The following PRPF3 variants were observed in gnomAD, a reference collection of about 807,000 sequenced individuals.
PRPF3 encodes pre-mRNA processing factor 3.
PRPF3 carries 3 observed loss-of-function variants against 89.2 expected under a neutral mutation model. That is an observed-to-expected ratio of 0.03 (90% CI 0.02 to 0.09). PRPF3 has a LOEUF of 0.09. PRPF3 is among the 10% of genes least tolerant of loss of function. The pLI is 1.00. For synonymous variants in PRPF3, 270 were observed against 289.1 expected (o/e 0.93, Z 0.67); for missense variants, 463 against 828.8 (o/e 0.56, Z 5.42).
chr1:150,333,210 A>G lies in PRPF3; in HGVS notation c.728+11A>G, dbSNP rs782809046. 2 of 1,611,614 alleles carry G rather than the reference A, an allele frequency of 1.2e-6. No homozygotes were observed. Among genetic ancestry groups the G allele is most frequent in the South Asian group, 1.1e-5 (1 of 91,024 alleles). On this transcript the variant is annotated intron_variant, in intron 6 of 15. Coordinates refer to ENST00000324862, the MANE Select transcript of PRPF3 (RefSeq NM_004698.4). ...GGGCATTGCTCCCCCGTGAGTGTCT[A>G]TTTCATGGAATACCTTTTCATTTCT...
chr1:150,350,482 G>A (rs1658814820), intron 15 of PRPF3, among the ~76,000 whole-genome samples: 1 of 152,198 alleles, frequency 6.6e-6, no homozygotes, highest in Non-Finnish European at 1.5e-5. Context: ...ACAGGCATGA[G>A]TCACTGCGCC....
chr1:150,341,334 G>A (rs1657692918), intron 9 of PRPF3, among the ~76,000 whole-genome samples: 1 of 151,538 alleles, frequency 6.6e-6, no homozygotes, highest in African/African-American at 2.4e-5. Flanking sequence ...CACTGTGAGG[G>A]ATGCTAATTC....
In PRPF3 at chr1:150,353,024, C is replaced by A. The variant is rs936535071; in HGVS notation, c.*45C>A. On this transcript the variant is annotated 3_prime_UTR_variant, in exon 16 of 16. Transcript: ENST00000324862. ...CTCTCCTCCCTTGCCTTTGTCTCTT[C>A]AGTCCTCTCACTTATTCTATTTCCC... 1 of 1,611,288 alleles carries A rather than the reference C, an allele frequency of 6.2e-7. No homozygotes were observed. Among genetic ancestry groups the A allele is most frequent in the Admixed American group, 1.7e-5 (1 of 59,972 alleles).
rs373571735 is a variant in PRPF3, at chr1:150,343,360, A to G, written c.1334A>G (p.Gln445Arg). ...GGAGTATATCTTACCAAGAAGGAAC[A>G]GAAAAAACTTCGGAGACAAACAAGG... ...TLGVYLTKKEQKKLRRQTRRE... is the reference protein window; with the variant it reads ...TLGVYLTKKERKKLRRQTRRE... The change falls in exon 10 of 16, where the codon CAG (glutamine) becomes CGG (arginine). Residue 445 changes from glutamine (Q) to arginine (R), a missense_variant. Physicochemically the swap from Gln to Arg is conservative, Grantham distance 43. This residue lies in a region of PRPF3 where 261 missense variants were observed against 475.8 expected (regional missense o/e 0.55). Transcript: ENST00000324862. 52 of 1,613,574 alleles carry G rather than the reference A, an allele frequency of 3.2e-5. No individual in the cohort carries two copies. Among genetic ancestry groups the G allele is most frequent in the Non-Finnish European group, 4.4e-5 (52 of 1,179,886 alleles).
At chr1:150,343,263 ATATG>A in intron 9 of PRPF3, 42 bp from the exon 10 acceptor site, 2 of 1,334,848 alleles carry the variant, frequency 1.5e-6, no homozygotes, top group Non-Finnish European at 1.0e-6. Context: ...ATATATATAT[ATATG>A]TATTCTTACT....
At chr1:150,345,204 CAGA>C (rs1248119607) in intron 12 of PRPF3, among the ~76,000 whole-genome samples, 10 of 152,062 alleles carry the variant, frequency 6.6e-5, no homozygotes, top group African/African-American at 2.4e-4. Flanking sequence ...TCTGACAACA[CAGA>C]AGAATACTTA....
rs138655243 is a variant in PRPF3, at chr1:150,346,445, G to C, written c.1797G>C (p.Leu599=). 65 of 1,614,012 alleles carry C rather than the reference G, an allele frequency of 4.0e-5. No individual in the cohort carries two copies. The African/African-American group carries it at 8.0e-4, about 20-fold the overall frequency. The part of the protein sequence containing the change: ...KAQKKFKRLM[L]HRIKWDEQTS... ...AGAAGAAATTTAAGCGTCTTATGCTGCATCGGATAAAGTGGGATGAACAGA... is the reference window on the plus strand; with the variant it reads ...AGAAGAAATTTAAGCGTCTTATGCTCCATCGGATAAAGTGGGATGAACAGA... Residue 599 remains leucine, a synonymous_variant, in exon 14 of 16, where the codon CTG becomes CTC. Coordinates refer to ENST00000324862, the MANE Select transcript of PRPF3 (RefSeq NM_004698.4).
chr1:150,323,610 G>A (rs192356513), intron 1 of PRPF3, among the ~76,000 whole-genome samples: 20 of 128,620 alleles, frequency 1.6e-4, no homozygotes, highest in African/African-American at 5.9e-4. Flanking sequence ...ACTCCAGCCT[G>A]GGCGACGGAG....
chr1:150,337,843 G>A (rs1350409765), intron 7 of PRPF3, among the ~76,000 whole-genome samples: 1 of 152,024 alleles, frequency 6.6e-6, no homozygotes, highest in Non-Finnish European at 1.5e-5. Context: ...GGGAGGCCGA[G>A]GCGGGCAGAT....
chr1:150,329,319 A>G (rs1656070778), intron 4 of PRPF3, among the ~76,000 whole-genome samples: 4 of 152,182 alleles, frequency 2.6e-5, no homozygotes, highest in African/African-American at 9.6e-5. Context: ...GTGAGCCACC[A>G]TGCCAGGCCA....
At chr1:150,322,573 A>T (rs1449535341) in intron 1 of PRPF3, among the ~76,000 whole-genome samples, 1 of 152,210 alleles carries the variant, frequency 6.6e-6, no homozygotes, top group Non-Finnish European at 1.5e-5. Context: ...GAACCACCAT[A>T]GAATTACTCA....
intron 8 of PRPF3, 140 bp downstream of exon 8, chr1:150,338,466 G>C: frequency 1.2e-6 from 1 of 801,142 alleles, no homozygotes; most frequent in East Asian, 2.9e-5. Flanking sequence ...TTAAATCCAA[G>C]AGAGATAAGT....
At chr1:150,350,960 T>TAA (rs781790248) in intron 15 of PRPF3, among the ~76,000 whole-genome samples, 2 of 126,348 alleles carry the variant, frequency 1.6e-5, no homozygotes, top group African/African-American at 6.0e-5. Flanking sequence ...AACCCTGTCT[T>TAA]AAAAAAAAAA....
intron 7 of PRPF3, among the ~76,000 whole-genome samples, chr1:150,335,482 C>T (rs954880111): frequency 5.9e-5 from 9 of 151,810 alleles, no homozygotes; most frequent in South Asian, 2.1e-4. Context: ...TTATTTTTTT[C>T]GAGATGGAGT....
At chr1:150,337,865 G>A (rs587749166) in intron 7 of PRPF3, among the ~76,000 whole-genome samples, 12 of 152,044 alleles carry the variant, frequency 7.9e-5, no homozygotes, top group Admixed American at 3.3e-4. Context: ...ACCTGAGGTC[G>A]GGAGTTTGAG....
chr1:150,325,429 G>C (rs1655592817), intron 2 of PRPF3, among the ~76,000 whole-genome samples: 1 of 152,046 alleles, frequency 6.6e-6, no homozygotes, highest in Non-Finnish European at 1.5e-5. Flanking sequence ...ACATGAAAAA[G>C]CTTGAAGGAG....
At chr1:150,338,043 C>T in intron 7 of PRPF3, 117 bp from the exon 8 acceptor site, 6 of 1,112,076 alleles carry the variant, frequency 5.4e-6, no homozygotes, top group Non-Finnish European at 7.8e-6. Context: ...CATTGCACTC[C>T]AGCCTGGGCA....
chr1:150,326,190 T>C (rs1655688103), intron 3 of PRPF3, among the ~76,000 whole-genome samples: 2 of 152,198 alleles, frequency 1.3e-5, no homozygotes, highest in African/African-American at 2.4e-5. Flanking sequence ...AACTGATTGC[T>C]CTAAGATTTT....
chr1:150,334,533 G>A (rs1214239906), intron 6 of PRPF3, among the ~76,000 whole-genome samples: 1 of 151,612 alleles, frequency 6.6e-6, no homozygotes, highest in Non-Finnish European at 1.5e-5. Flanking sequence ...GTGTTGCCAA[G>A]GCTGGTCTTG....
Sources: allele counts gnomAD v4.1 joint callset (sites outside exome capture counted in the v4.1 genomes callset), GRCh38; gene constraint gnomAD v4.1.1; regional missense constraint gnomAD v4.1.1; transcripts MANE v1.5; gene names NCBI Gene and HGNC (gene_info 2026-07-23, HGNC 2026-07-21).